The following SMARCA2 variants were observed in gnomAD, a reference collection of about 807,000 sequenced individuals.
SMARCA2 encodes the protein SWI/SNF-related matrix-associated actin-dependent regulator of chromatin subfamily A member 2.
A neutral mutation model predicts 199.8 loss-of-function variants in SMARCA2; 61 were observed. The ratio of observed to expected loss-of-function variants is 0.31; its 90% CI spans 0.25 to 0.38. SMARCA2 has a LOEUF of 0.38. Among genes scored for constraint, SMARCA2 ranks in the 10% least tolerant of loss-of-function variants. The pLI is 1.00. For synonymous variants in SMARCA2, 935 were observed against 732.0 expected (o/e 1.28, Z -4.48); for missense variants, 1,344 against 2,012.2 (o/e 0.67, Z 6.35).
chr9:2,061,999 C>T (rs1045990582), intron 9 of SMARCA2, among the ~76,000 whole-genome samples: 1 of 152,080 alleles, frequency 6.6e-6, no homozygotes, highest in Admixed American at 6.6e-5. Context: ...TGAGGAATAC[C>T]TCATTTTCTT....
In SMARCA2 at chr9:2,119,125, A is replaced by G. The variant is rs537167244; in HGVS notation, c.3685-333A>G. ...TATTAAAATCTTACATCCCCATGTGAAATAGATGTCATACCCATATGACCA... is the reference window on the plus strand; with the variant it reads ...TATTAAAATCTTACATCCCCATGTGGAATAGATGTCATACCCATATGACCA... On this transcript the variant is annotated intron_variant, in intron 25 of 33. Transcript: ENST00000349721. This position sits in a 1 kb window ranked among gnomAD's most constrained non-coding sequence, Gnocchi z 4.6. Among the ~76,000 whole-genome samples the G allele has an allele frequency of 1.3e-5, 2 of 152,340 alleles. No individual in the cohort carries two copies. The highest frequency in any genetic ancestry group is 3.9e-4 in the East Asian group (2 of 5,182).
At chr9:2,142,748 A>G (rs1824525382) in intron 27 of SMARCA2, among the ~76,000 whole-genome samples, 1 of 152,182 alleles carries the variant, frequency 6.6e-6, no homozygotes, top group Non-Finnish European at 1.5e-5. Flanking sequence ...ATTTTGCCCC[A>G]TTTCTCTGGC....
In SMARCA2 at chr9:2,123,702, C is replaced by G. The variant is rs766818751; in HGVS notation, c.3763-17C>G. On this transcript the variant is annotated splice_polypyrimidine_tract_variant and intron_variant, in intron 26 of 33. Transcript: ENST00000349721. This position sits in a 1 kb window ranked among gnomAD's most constrained non-coding sequence, Gnocchi z 4.1. ...AGAAGCCCTGACTTTCGGTGACCCT[C>G]TTATTAATGTCTCCAGCGGATGGAC... The G allele has an allele frequency of 2.5e-6, 4 of 1,611,912 alleles. No homozygotes were observed. Among genetic ancestry groups the G allele is most frequent in the Non-Finnish European group, 2.5e-6 (3 of 1,178,320 alleles).
intron 9 of SMARCA2, among the ~76,000 whole-genome samples, chr9:2,067,660 A>G (rs1820904475): frequency 2.0e-5 from 3 of 152,248 alleles, no homozygotes; most frequent in Admixed American, 2.0e-4. Flanking sequence ...GATTTGCTCA[A>G]GATCATACAG....
At chr9:2,091,736 C>G (rs988592295) in intron 19 of SMARCA2, among the ~76,000 whole-genome samples, 3 of 152,178 alleles carry the variant, frequency 2.0e-5, no homozygotes, top group Non-Finnish European at 4.4e-5. Context: ...ATGACCATTC[C>G]ACTTCCTCCA....
intron 27 of SMARCA2, among the ~76,000 whole-genome samples, chr9:2,135,247 C>A (rs898803717): frequency 7.9e-5 from 12 of 152,326 alleles, no homozygotes; most frequent in African/African-American, 2.6e-4. Context: ...TTCCCCTTTC[C>A]TTTGCCTTTT....
intron 28 of SMARCA2, among the ~76,000 whole-genome samples, chr9:2,167,351 G>T (rs933361046): frequency 1.3e-5 from 2 of 152,238 alleles, no homozygotes; most frequent in African/African-American, 4.8e-5. Flanking sequence ...AGTGAATAGG[G>T]TGTCATCACC....
chr9:2,070,573 ATTTAT>A, intron 10 of SMARCA2, 102 bp downstream of exon 10: 1 of 794,836 alleles, frequency 1.3e-6, no homozygotes. Context: ...TTACTGTGCT[ATTTAT>A]TTTAAGTAAA....
chr9:2,079,897 C>G (rs1381580032), intron 14 of SMARCA2: 1 of 152,264 alleles, frequency 6.6e-6, no homozygotes, highest in African/African-American at 2.4e-5. Context: ...ACTCTCTTTT[C>G]AAACCTAGCT....
At chr9:2,155,022 C>T (rs2130731172) in intron 27 of SMARCA2, among the ~76,000 whole-genome samples, 1 of 152,244 alleles carries the variant, frequency 6.6e-6, no homozygotes, top group Non-Finnish European at 1.5e-5. Flanking sequence ...TGCAGGGTCT[C>T]AAGATCATCT....
intron 29 of SMARCA2, among the ~76,000 whole-genome samples, chr9:2,180,250 A>G (rs1826928630): frequency 6.6e-6 from 1 of 152,124 alleles, no homozygotes. Flanking sequence ...AAAATAAAAC[A>G]AAAACGATGA....
chr9:2,088,710 T>C, intron 19 of SMARCA2, 97 bp downstream of exon 19: 1 of 837,176 alleles, frequency 1.2e-6, no homozygotes, highest in South Asian at 1.5e-5. Context: ...AACAGCAGAC[T>C]CATATTGTAG....
chr9:2,182,432 A>G (rs553023596), intron 31 of SMARCA2, among the ~76,000 whole-genome samples, 190 bp downstream of exon 31: 1 of 147,742 alleles, frequency 6.8e-6, no homozygotes, highest in African/African-American at 2.5e-5. Flanking sequence ...CCTTTGTACC[A>G]CAGCTGTGCT....
At chr9:2,126,109 G>A (rs1823681470) in intron 27 of SMARCA2, among the ~76,000 whole-genome samples, 1 of 152,172 alleles carries the variant, frequency 6.6e-6, no homozygotes, top group African/African-American at 2.4e-5. Context: ...AGCAGTGTTA[G>A]GAGAGCATTT....
chr9:2,132,061 A>G (rs1823986079), intron 27 of SMARCA2, among the ~76,000 whole-genome samples: 1 of 152,246 alleles, frequency 6.6e-6, no homozygotes, highest in African/African-American at 2.4e-5. Flanking sequence ...CCAAGCTGCA[A>G]TAAGCTCTCT....
intron 17 of SMARCA2, chr9:2,085,704 T>A (rs1404811078): frequency 6.6e-6 from 1 of 152,172 alleles, no homozygotes; most frequent in African/African-American, 2.4e-5. Context: ...GATGATTTTA[T>A]TCCTTTTCTC....
intron 30 of SMARCA2, 88 bp downstream of exon 30, chr9:2,181,764 C>A: frequency 1.3e-6 from 1 of 751,318 alleles, no homozygotes; most frequent in South Asian, 1.5e-5. Context: ...GAGCTGACCG[C>A]CACTGATGGG....
chr9:2,068,201 G>C (rs1247982948), intron 9 of SMARCA2, among the ~76,000 whole-genome samples: 1 of 152,184 alleles, frequency 6.6e-6, no homozygotes, highest in Admixed American at 6.5e-5. Context: ...CAAGGGTTCT[G>C]TTATTGTTCT....
chr9:2,126,027 A>G (rs114071410), intron 27 of SMARCA2, among the ~76,000 whole-genome samples: 1,709 of 152,314 alleles, frequency 0.011, 24 homozygotes, highest in African/African-American at 0.031. Context: ...AGTGCCTAGC[A>G]TAGAGACTCA....
Sources: gnomAD v4.1 joint callset for allele counts (sites outside exome capture counted in the v4.1 genomes callset) on GRCh38, gnomAD v4.1.1 for gene constraint, Gnocchi (gnomAD v3.1) non-coding constraint, MANE v1.5 for transcripts, NCBI Gene and HGNC (gene_info 2026-07-23, HGNC 2026-07-21) for gene names.